KANK1: variants seen among roughly 807,000 people sequenced by gnomAD.
KANK1 encodes the protein KN motif and ankyrin repeat domains 1.
KANK1 carries 109 observed loss-of-function variants against 106.2 expected under a neutral mutation model. The ratio of observed to expected loss-of-function variants is 1.03; its 90% CI spans 0.88 to 1.20. The LOEUF (loss-of-function observed/expected upper bound fraction) is 1.20, where lower values mean the gene tolerates loss of function less well. Among genes scored for constraint, KANK1 ranks in the 50% most tolerant of loss-of-function variants. The pLI is 0.00. For synonymous variants in KANK1, 873 were observed against 652.2 expected, an observed-to-expected ratio of 1.34 and a Z score of -5.16; for missense variants, 2,399 against 1,710.7, an observed-to-expected ratio of 1.40 and a Z score of -7.10.
chr9:580,159 C>T (rs963506767), intron 1 of KANK1, among the ~76,000 whole-genome samples: 4 of 151,912 alleles, frequency 2.6e-5, no homozygotes, highest in South Asian at 2.1e-4. Context: ...TGCAGACCTT[C>T]GCGGTGAGTG....
At chr9:659,773 C>G (rs1419905848) in intron 1 of KANK1, among the ~76,000 whole-genome samples, 1 of 151,954 alleles carries the variant, frequency 6.6e-6, no homozygotes, top group Non-Finnish European at 1.5e-5. Flanking sequence ...ATGATCTAAT[C>G]ACTTCCCACC....
intron 3 of KANK1, among the ~76,000 whole-genome samples, chr9:489,271 C>A (rs192111453): frequency 6.6e-6 from 1 of 152,078 alleles, no homozygotes; most frequent in Non-Finnish European, 1.5e-5. Context: ...TTTGGAAAGG[C>A]CTTTCTGATC....
At chr9:572,029 C>T (rs1294254707) in intron 1 of KANK1, among the ~76,000 whole-genome samples, 1 of 151,956 alleles carries the variant, frequency 6.6e-6, no homozygotes, top group East Asian at 1.9e-4. Context: ...TTGGAGGTTG[C>T]TGGGAGGAGA....
chr9:684,329 G>A, intron 2 of KANK1: 8 of 985,376 alleles, frequency 8.1e-6, no homozygotes, highest in Non-Finnish European at 8.4e-6. Flanking sequence ...TCCTGCTCCT[G>A]GGTACTGGGC....
intron 3 of KANK1, among the ~76,000 whole-genome samples, chr9:486,185 T>C (rs1383961369): frequency 1.3e-5 from 2 of 152,208 alleles, no homozygotes; most frequent in African/African-American, 2.4e-5. Flanking sequence ...CAAAGGATTA[T>C]TTTACATATG....
intron 7 of KANK1, among the ~76,000 whole-genome samples, chr9:736,582 C>T (rs1477497379): frequency 6.6e-6 from 1 of 152,038 alleles, no homozygotes; most frequent in Non-Finnish European, 1.5e-5. Context: ...ACCCATGGTC[C>T]TAGCTACTTG....
At position 575,784 on chromosome 9, in the gene KANK1, G is replaced by A. The variant is rs145876977; in HGVS notation, c.-84+71030G>A. 5.6e-3 allele frequency among the ~76,000 whole-genome samples: 847 copies of A among 152,358 alleles called. 13 individuals are homozygous for A. The highest frequency in any genetic ancestry group is 0.019 in the African/African-American group (799 of 41,584). On this transcript the variant is annotated intron_variant, in intron 1 of 11. Coordinates refer to ENST00000382297, the MANE Select transcript of KANK1 (RefSeq NM_015158.5). ...TGCCTGTAATCCCAGCACTTTGGGA[G>A]GCCAAGGCGGGCCCGATCACTTGAG... is the stretch of plus-strand genomic sequence containing the variant.
chr9:659,536 G>A (rs1842848438), intron 1 of KANK1, among the ~76,000 whole-genome samples: 1 of 152,134 alleles, frequency 6.6e-6, no homozygotes. Flanking sequence ...GTACTGCTAT[G>A]AAGAACTACC....
intron 1 of KANK1, among the ~76,000 whole-genome samples, chr9:525,314 C>T (rs1358937571): frequency 6.6e-6 from 1 of 151,052 alleles, no homozygotes. Flanking sequence ...TTCTTAAACC[C>T]AAGGACCCTG....
At chr9:548,661 A>AC (rs2061084839) in intron 1 of KANK1, among the ~76,000 whole-genome samples, 1 of 152,240 alleles carries the variant, frequency 6.6e-6, no homozygotes, top group African/African-American at 2.4e-5. Context: ...ATGTGTGTAT[A>AC]GAAAAAATGA....
intron 1 of KANK1, among the ~76,000 whole-genome samples, chr9:531,970 C>G (rs1215827641): frequency 6.6e-6 from 1 of 152,178 alleles, no homozygotes; most frequent in Non-Finnish European, 1.5e-5. Flanking sequence ...GCAGCATGCA[C>G]ATGAGTGAGG....
At position 744,583 on chromosome 9, in the gene KANK1, G is replaced by A; in HGVS notation, c.3990G>A (p.Gln1330=). 1 of 1,614,166 alleles carries A rather than the reference G, an allele frequency of 6.2e-7. No homozygotes were observed. Among genetic ancestry groups the A allele is most frequent in the South Asian group, 1.1e-5 (1 of 91,078 alleles). ...LYAHVNFAKA[Q]SPGTPRLGRK... is the part of the protein sequence containing the mutation. ...CCCATGTCAACTTTGCAAAAGCCCA[G>A]TCTCCGGTCAGTGTTGTGCATTTGG... The change falls in exon 11 of 12, where the codon CAG becomes CAA. Residue 1330 remains glutamine, a synonymous_variant. Coordinates refer to ENST00000382297, the MANE Select transcript of KANK1 (RefSeq NM_015158.5).
intron 1 of KANK1, among the ~76,000 whole-genome samples, chr9:516,170 C>G (rs1019114144): frequency 4.0e-5 from 6 of 151,640 alleles, no homozygotes; most frequent in African/African-American, 1.2e-4. Flanking sequence ...GGTGGCAAGA[C>G]TATGTCCTGG....
chr9:738,807 C>G (rs1014633194), intron 8 of KANK1, among the ~76,000 whole-genome samples: 1 of 152,316 alleles, frequency 6.6e-6, no homozygotes, highest in East Asian at 1.9e-4. Context: ...GTCTCACGTT[C>G]CCTCCTGAGC....
chr9:622,450 T>C (rs752219681), intron 1 of KANK1, among the ~76,000 whole-genome samples: 1 of 152,066 alleles, frequency 6.6e-6, no homozygotes, highest in African/African-American at 2.4e-5. Flanking sequence ...ACCTGGAGGA[T>C]TGCATAGAAG....
At chr9:635,334 C>G (rs563242162) in intron 1 of KANK1, among the ~76,000 whole-genome samples, 97 of 152,272 alleles carry the variant, frequency 6.4e-4, no homozygotes, top group African/African-American at 1.5e-3. Context: ...CCTGTTCTAC[C>G]CCTTTGCCAC....
At chr9:516,216 C>G (rs547113423) in intron 1 of KANK1, among the ~76,000 whole-genome samples, 12 of 151,512 alleles carry the variant, frequency 7.9e-5, no homozygotes, top group African/African-American at 2.7e-4. Context: ...AGAATTCAGG[C>G]TTTTGACCTT....
intron 7 of KANK1, among the ~76,000 whole-genome samples, chr9:738,039 A>G (rs935034018): frequency 1.3e-5 from 2 of 152,190 alleles, no homozygotes; most frequent in Non-Finnish European, 2.9e-5. Flanking sequence ...CTGGCTCCAG[A>G]GCCTCTGCTT....
intron 2 of KANK1, among the ~76,000 whole-genome samples, chr9:699,127 C>T (rs1245647987): frequency 6.6e-6 from 1 of 152,216 alleles, no homozygotes; most frequent in African/African-American, 2.4e-5. Context: ...GACTCCTTAG[C>T]TACCGCTCCC....
Sources: gnomAD v4.1 joint callset for allele counts (sites outside exome capture counted in the v4.1 genomes callset) on GRCh38, gnomAD v4.1.1 for gene constraint, MANE v1.5 for transcripts, NCBI Gene and HGNC (gene_info 2026-07-23, HGNC 2026-07-21) for gene names.